The following SMC6 variants were observed in gnomAD, a reference collection of about 807,000 sequenced individuals.
SMC6 encodes structural maintenance of chromosomes 6.
SMC6 carries 79 observed loss-of-function variants against 142.2 expected under a neutral mutation model. The ratio of observed to expected loss-of-function variants is 0.56; its 90% CI spans 0.46 to 0.67. The LOEUF is 0.67. Ranked by LOEUF, SMC6 falls within the 30% of genes least tolerant of loss-of-function variation. SMC6 has a pLI of 0.00. For missense variants in SMC6, 1,072 were observed against 1,284.0 expected, an observed-to-expected ratio of 0.83 and a Z score of 2.52; for synonymous variants, 411 against 412.4, an observed-to-expected ratio of 1.00 and a Z score of 0.04.
chr2:17,735,036 T>C lies in SMC6; in HGVS notation c.345-3159A>G, dbSNP rs17381098. On this transcript the variant is annotated intron_variant, in intron 5 of 27. Coordinates refer to ENST00000448223, the MANE Select transcript of SMC6 (RefSeq NM_001142286.2). ...GTGAGCCACAGTGCCTGGCCTGCTA[T>C]ATGAATCTAATAAATACAAGAAAGC... 8.8e-3 allele frequency among the ~76,000 whole-genome samples: 1,346 copies of C among 152,158 alleles called. 9 individuals carry two copies. The highest frequency in any genetic ancestry group is 0.014 in the South Asian group (69 of 4,824).
intron 3 of SMC6, among the ~76,000 whole-genome samples, chr2:17,742,660 G>A (rs77141602): frequency 8.6e-5 from 13 of 152,032 alleles, no homozygotes; most frequent in Admixed American, 6.6e-4. Context: ...CTGGACATAC[G>A]TCTTACTAAA....
At chr2:17,677,126 A>G (rs1163366813) in intron 25 of SMC6, among the ~76,000 whole-genome samples, 3 of 152,000 alleles carry the variant, frequency 2.0e-5, no homozygotes, top group Non-Finnish European at 4.4e-5. Context: ...TTTCTTCCTG[A>G]TCTTAGGGGT....
chr2:17,738,141 T>A, intron 5 of SMC6, 80 bp downstream of exon 5: 1 of 1,026,462 alleles, frequency 9.7e-7, no homozygotes, highest in Non-Finnish European at 1.5e-6. Flanking sequence ...TTTCCAGTCA[T>A]GTCTATGTGA....
intron 3 of SMC6, among the ~76,000 whole-genome samples, chr2:17,742,073 A>C (rs1460020870): frequency 6.6e-6 from 1 of 152,178 alleles, no homozygotes; most frequent in East Asian, 1.9e-4. Flanking sequence ...TGCCGGCAAC[A>C]CACACCTGCC....
chr2:17,676,862 T>C (rs1303106706), intron 25 of SMC6, among the ~76,000 whole-genome samples: 2 of 152,196 alleles, frequency 1.3e-5, no homozygotes, highest in Admixed American at 6.5e-5. Flanking sequence ...TGCAAGTACA[T>C]AGAAATGTAA....
chr2:17,677,302 T>G (rs1237079680), intron 25 of SMC6, among the ~76,000 whole-genome samples: 1 of 152,186 alleles, frequency 6.6e-6, no homozygotes, highest in African/African-American at 2.4e-5. Context: ...TGGGCTTAAA[T>G]TGCAACTTTC....
At chr2:17,738,116 TG>T (rs1263588452) in intron 5 of SMC6, 104 bp downstream of exon 5, 1 of 787,170 alleles carries the variant, frequency 1.3e-6, no homozygotes, top group Non-Finnish European at 2.1e-6. Flanking sequence ...GCTCCTGTTC[TG>T]GGAAGGCACT....
At chr2:17,698,170 GTTTC>G (rs1229075436) in intron 21 of SMC6, among the ~76,000 whole-genome samples, 4 of 151,892 alleles carry the variant, frequency 2.6e-5, no homozygotes, top group South Asian at 2.1e-4. Flanking sequence ...ATCAGTACGG[GTTTC>G]TTTATTAGGC....
chr2:17,734,107 A>G (rs1670033058), intron 5 of SMC6, among the ~76,000 whole-genome samples: 1 of 152,146 alleles, frequency 6.6e-6, no homozygotes, highest in Admixed American at 6.5e-5. Flanking sequence ...GAACAAACCA[A>G]TGGGAGGGAG....
chr2:17,673,257 C>T (rs1288800164), intron 25 of SMC6, among the ~76,000 whole-genome samples: 1 of 152,140 alleles, frequency 6.6e-6, no homozygotes, highest in East Asian at 1.9e-4. Flanking sequence ...CTCTTTCTTA[C>T]TATTTTTTAA....
At chr2:17,707,402 A>C in intron 17 of SMC6, 23 bp from the exon 18 acceptor site, 1 of 1,406,292 alleles carries the variant, frequency 7.1e-7, no homozygotes, top group Middle Eastern at 1.9e-4. Flanking sequence ...AAGAAAATAA[A>C]TTTTTTAAGA....
intron 5 of SMC6, among the ~76,000 whole-genome samples, chr2:17,737,022 G>A (rs1367484666): frequency 6.6e-6 from 1 of 152,166 alleles, no homozygotes; most frequent in Non-Finnish European, 1.5e-5. Context: ...ATTTTGGTTG[G>A]TGGTGAGAGG....
chr2:17,677,176 G>T (rs11894722), intron 25 of SMC6, among the ~76,000 whole-genome samples: 2,112 of 152,180 alleles, frequency 0.014, 16 homozygotes, highest in Non-Finnish European at 0.016. Flanking sequence ...GATATTTTGT[G>T]TAAAAGAACA....
At chr2:17,709,503 T>A (rs1374615782) in intron 16 of SMC6, among the ~76,000 whole-genome samples, 1 of 152,190 alleles carries the variant, frequency 6.6e-6, no homozygotes, top group Non-Finnish European at 1.5e-5. Context: ...GAGGAAAAGA[T>A]GGTGGTAGCA....
intron 16 of SMC6, among the ~76,000 whole-genome samples, chr2:17,713,139 T>C (rs991435375): frequency 5.9e-5 from 9 of 152,330 alleles, no homozygotes; most frequent in Admixed American, 5.9e-4. Context: ...GCTTCCCTTT[T>C]CCCTTTCTGC....
At chr2:17,724,043 C>T (rs1466362964) in intron 9 of SMC6, among the ~76,000 whole-genome samples, 1 of 151,938 alleles carries the variant, frequency 6.6e-6, no homozygotes, top group Non-Finnish European at 1.5e-5. Flanking sequence ...CTTTGTATAC[C>T]ATGGAGAAAA....
chr2:17,721,079 T>C (rs765055122), intron 10 of SMC6, 41 bp from the exon 11 acceptor site: 4 of 1,612,392 alleles, frequency 2.5e-6, no homozygotes, highest in Non-Finnish European at 3.4e-6. Context: ...AGATTAACAA[T>C]AATAACCAAA....
intron 25 of SMC6, among the ~76,000 whole-genome samples, chr2:17,678,606 G>GAAAAAA (rs544540923): frequency 2.4e-5 from 3 of 124,346 alleles, no homozygotes; most frequent in African/African-American, 9.0e-5. Flanking sequence ...TGTCTATACG[G>GAAAAAA]AAAAAAAAAA....
chr2:17,711,769 G>A (rs1447364498), intron 16 of SMC6, among the ~76,000 whole-genome samples: 1 of 151,998 alleles, frequency 6.6e-6, no homozygotes, highest in Non-Finnish European at 1.5e-5. Flanking sequence ...CAGGCACATA[G>A]CACCATGCTC....
Sources: allele counts gnomAD v4.1 joint callset (sites outside exome capture counted in the v4.1 genomes callset), GRCh38; gene constraint gnomAD v4.1.1; transcripts MANE v1.5; gene names NCBI Gene and HGNC (gene_info 2026-07-23, HGNC 2026-07-21).